The following FBXL5 variants were observed in gnomAD, a reference collection of about 807,000 sequenced individuals.
FBXL5 encodes the protein F-box/LRR-repeat protein 5.
Under a neutral mutation model 78.3 loss-of-function variants are expected in FBXL5, and 26 were observed. That is an observed-to-expected ratio of 0.33 (90% CI 0.24 to 0.46). The LOEUF is 0.46. FBXL5 is among the 20% of genes least tolerant of loss of function. The probability of loss-of-function intolerance (pLI) is 1.00; values close to 1 mark genes in which losing one functional copy is unlikely to be tolerated. For missense variants in FBXL5, 710 were observed against 829.2 expected (o/e 0.86, Z 1.77); for synonymous variants, 295 against 282.5 (o/e 1.04, Z -0.45).
chr4:15,627,921 T>A lies in FBXL5; in HGVS notation c.1005A>T (p.Leu335Phe), dbSNP rs1713230393. 3.7e-6 allele frequency: 6 copies of A among 1,613,604 alleles called. No homozygotes were observed. In the Admixed American group the frequency reaches 5.0e-5, roughly 13 times the overall value. Residue 335 changes from leucine (L) to phenylalanine (F), a missense_variant, in exon 7 of 11, where the codon TTA becomes TTT. Leu to Phe is a conservative substitution (Grantham distance 22, BLOSUM62 0). Around this residue, in one of 4 missense-constraint regions of FBXL5, gnomAD observed 517 missense variants for 542.9 expected, o/e 0.95. Transcript: ENST00000341285. ...LPYVGTSVKT[L>F]VLAYSSAVSS... The stretch of plus-strand genomic sequence containing the variant: ...AAACTGCAGAGCTGTATGCTAATAC[T>A]AAGGTTTTTACAGAAGTACCAACAT...
At chr4:15,653,253 T>A (rs1716356503) in intron 1 of FBXL5, among the ~76,000 whole-genome samples, 1 of 152,214 alleles carries the variant, frequency 6.6e-6, no homozygotes, top group South Asian at 2.1e-4. Flanking sequence ...AAATTGAAAA[T>A]GCTTTATTAA....
At chr4:15,655,783 C>T (rs1331958954), upstream of FBXL5, among the ~76,000 whole-genome samples, 1 of 152,196 alleles carries the variant, frequency 6.6e-6, no homozygotes. Context: ...TGCTTCTGGC[C>T]AGGACCTCCG....
At chr4:15,671,546 T>C (rs1717769000) in intron 1 of FBXL5, among the ~76,000 whole-genome samples, 1 of 152,164 alleles carries the variant, frequency 6.6e-6, no homozygotes, top group African/African-American at 2.4e-5. Flanking sequence ...AGTGTTGGAA[T>C]TACAGGCGTG....
chr4:15,647,876 CAG>C (rs1715532701), intron 1 of FBXL5, among the ~76,000 whole-genome samples: 1 of 152,070 alleles, frequency 6.6e-6, no homozygotes, highest in African/African-American at 2.4e-5. Flanking sequence ...TTTTTTGAGA[CAG>C]GGTCTTGCTC....
intron 5 of FBXL5, 65 bp downstream of exon 5, chr4:15,636,429 A>G: frequency 7.7e-7 from 1 of 1,292,838 alleles, no homozygotes; most frequent in Non-Finnish European, 1.0e-6. Context: ...GGCCTTGCTC[A>G]TTAATGTAAA....
rs1288857398 is a variant in FBXL5, at chr4:15,675,037, A to G, written c.-284+6346T>C. 2.0e-5 allele frequency among the ~76,000 whole-genome samples: 3 copies of G among 152,208 alleles called. No homozygotes were observed. In the East Asian group the frequency reaches 5.8e-4, roughly 29 times the overall value. On this transcript the variant is annotated intron_variant, in intron 1 of 4. Transcript: ENST00000507899. Reference sequence around the variant, plus strand: ...CCATCAGTTCACTAGGAATCACGAAAAAAAAAGCAGTGGGCCTGCCACTAC... The same window carrying G: ...CCATCAGTTCACTAGGAATCACGAAGAAAAAAGCAGTGGGCCTGCCACTAC...
At chr4:15,663,045 G>A (rs1014816422), upstream of FBXL5, among the ~76,000 whole-genome samples, 9 of 152,136 alleles carry the variant, frequency 5.9e-5, no homozygotes, top group Non-Finnish European at 1.3e-4. Context: ...AATTTGGGTA[G>A]CTTTAAGATG....
rs551810766 is a variant in FBXL5 at position 15,626,916 on chromosome 4, G to C, written c.1081C>G (p.Leu361Val). The change falls in exon 8 of 11, where the codon CTG (leucine) becomes GTG (valine). Residue 361 changes from leucine to valine, a missense_variant. Leu to Val is a conservative substitution (Grantham distance 32). Around this residue, in one of 4 missense-constraint regions of FBXL5, gnomAD observed 517 missense variants for 542.9 expected, o/e 0.95. Coordinates refer to ENST00000341285, the MANE Select transcript of FBXL5 (RefSeq NM_012161.4). ...ILELCPNLEH[L>V]DLTQTDISDS... ...GAAATGTCAGTCTGGGTAAGATCCAGATGCTCCAGGTTAGGACAAAGCTCT... is the reference window on the plus strand; with the variant it reads ...GAAATGTCAGTCTGGGTAAGATCCACATGCTCCAGGTTAGGACAAAGCTCT... The C allele has an allele frequency of 5.6e-6, 9 of 1,612,236 alleles. No homozygotes were observed. Among genetic ancestry groups the C allele is most frequent in the East Asian group, 2.2e-5 (1 of 44,820 alleles).
chr4:15,630,820 T>C, intron 5 of FBXL5, 29 bp from the exon 6 acceptor site: 1 of 1,610,318 alleles, frequency 6.2e-7, no homozygotes, highest in Non-Finnish European at 8.5e-7. Context: ...AGTAAAAGGT[T>C]CAAAATAATA....
At chr4:15,679,569 A>C (rs1025954449) in intron 1 of FBXL5, among the ~76,000 whole-genome samples, 3 of 151,530 alleles carry the variant, frequency 2.0e-5, no homozygotes, top group Non-Finnish European at 4.4e-5. Flanking sequence ...GAACAAAAAA[A>C]AAAAAAAACA....
chr4:15,669,462 T>C (rs764822327), intron 1 of FBXL5, among the ~76,000 whole-genome samples: 1 of 152,182 alleles, frequency 6.6e-6, no homozygotes, highest in Non-Finnish European at 1.5e-5. Flanking sequence ...AGAATATCTA[T>C]TGCTAGATAA....
chr4:15,652,485 A>AAAAC (rs1716209171), intron 1 of FBXL5, among the ~76,000 whole-genome samples: 1 of 152,214 alleles, frequency 6.6e-6, no homozygotes, highest in African/African-American at 2.4e-5. Flanking sequence ...ACCTTTCCAT[A>AAAAC]AAACTTTTTA....
intron 1 of FBXL5, among the ~76,000 whole-genome samples, chr4:15,651,577 A>G (rs1181786571): frequency 6.6e-6 from 1 of 152,214 alleles, no homozygotes; most frequent in East Asian, 1.9e-4. Flanking sequence ...GGTATGCAGA[A>G]AAATGGCGGA....
At chr4:15,680,460 C>A (rs1306475150) in intron 1 of FBXL5, among the ~76,000 whole-genome samples, 1 of 152,146 alleles carries the variant, frequency 6.6e-6, no homozygotes, top group Non-Finnish European at 1.5e-5. Flanking sequence ...CACCTGAGGT[C>A]AGGAGTTCGA....
At chr4:15,608,658 G>T (rs532678024) in intron 10 of FBXL5, among the ~76,000 whole-genome samples, 30 of 151,908 alleles carry the variant, frequency 2.0e-4, no homozygotes, top group Non-Finnish European at 3.4e-4. Flanking sequence ...GAGATTCTAA[G>T]TATACAGAGT....
chr4:15,644,382 A>C (rs1715171423), intron 2 of FBXL5, 111 bp downstream of exon 2: 1 of 852,582 alleles, frequency 1.2e-6, no homozygotes, highest in African/African-American at 1.7e-5. Flanking sequence ...GTGACAAAAT[A>C]ATTTTTTTCA....
In FBXL5 at chr4:15,612,362, C is replaced by T; in HGVS notation, c.1903G>A (p.Gly635Ser). 6.2e-7 allele frequency: 1 copy of T among 1,612,628 alleles called. No homozygotes were observed. Among genetic ancestry groups the T allele is most frequent in the East Asian group, 2.2e-5 (1 of 44,806 alleles). ...LPYLEHLNLS[G>S]CLTITGAGLQ... ...CCTGCACCAGTTATAGTAAGACAAC[C>T]AGAGAGATTAAGGTGCTCCAAATAA... The change falls in exon 10 of 11, where the codon GGT becomes AGT. Residue 635 changes from glycine to serine, a missense_variant. Gly to Ser is a moderately conservative substitution (Grantham distance 56, BLOSUM62 0). This residue lies in a region of FBXL5 where 58 missense variants were observed against 112.3 expected (regional missense o/e 0.52). Coordinates refer to ENST00000341285, the MANE Select transcript of FBXL5 (RefSeq NM_012161.4).
intron 5 of FBXL5, among the ~76,000 whole-genome samples, chr4:15,632,787 A>T (rs184317468): frequency 6.6e-6 from 1 of 152,334 alleles, no homozygotes; most frequent in East Asian, 1.9e-4. Context: ...GTTGCTTATC[A>T]GCTTAAGGAG....
chr4:15,662,322 G>C (rs952027945), upstream of FBXL5, among the ~76,000 whole-genome samples: 1 of 150,576 alleles, frequency 6.6e-6, no homozygotes, highest in Admixed American at 6.6e-5. Context: ...GTTCAAAGGT[G>C]GTGGCACTTG....
Sources: allele counts gnomAD v4.1 joint callset (sites outside exome capture counted in the v4.1 genomes callset), GRCh38; gene constraint gnomAD v4.1.1; regional missense constraint gnomAD v4.1.1; transcripts MANE v1.5; gene names NCBI Gene and HGNC (gene_info 2026-07-23, HGNC 2026-07-21).